The following KIAA1671 variants were observed in gnomAD, a reference collection of about 807,000 sequenced individuals.
KIAA1671 encodes uncharacterized protein KIAA1671.
A neutral mutation model predicts 131.2 loss-of-function variants in KIAA1671; 52 were observed. The ratio of observed to expected loss-of-function variants is 0.40; its 90% confidence interval spans 0.32 to 0.50. KIAA1671 has a LOEUF of 0.50. Ranked by LOEUF, KIAA1671 falls within the 20% of genes least tolerant of loss-of-function variation. KIAA1671 has a pLI of 0.73. For missense variants in KIAA1671, 2,360 were observed against 2,364.2 expected (o/e 1.00, Z 0.04); for synonymous variants, 1,003 against 961.6 (o/e 1.04, Z -0.80).
rs565853665 is a variant in KIAA1671 at position 25,108,357 on chromosome 22, CA to C, written c.4530+58994del. 2.1e-4 allele frequency among the ~76,000 whole-genome samples: 32 copies of C among 152,236 alleles called. No individual in the cohort carries two copies. The South Asian group carries it at 4.8e-3, about 23-fold the overall frequency. ...ATTTCTGGTGTGACTTTTCTGGGGC[CA>C]GCGGGGAGGACTCAGCTCTTTCTCA... On this transcript the variant is annotated intron_variant, in intron 6 of 12. Transcript: ENST00000358431.
In KIAA1671 at chr22:25,171,269, G is replaced by A. The variant is rs188318258; in HGVS notation, c.4649+331G>A. Among the ~76,000 whole-genome samples, 1,327 of 151,984 alleles carry A rather than the reference G, an allele frequency of 8.7e-3. 13 individuals are homozygous for A. Among genetic ancestry groups the A allele is most frequent in the Non-Finnish European group, 0.013 (901 of 67,978 alleles). On this transcript the variant is annotated intron_variant, in intron 7 of 12. Transcript: ENST00000358431. The stretch of plus-strand genomic sequence containing the variant: ...CAAAAAATTAGCTGGGTGTGGCAGC[G>A]TACCCCTGTAATCCCAGCTACTTGG...
intron 6 of KIAA1671, among the ~76,000 whole-genome samples, chr22:25,093,727 ACACACACACACT>A (rs1601304931): frequency 3.3e-5 from 2 of 61,282 alleles, no homozygotes; most frequent in East Asian, 7.1e-4. Flanking sequence ...ACACACACAC[ACACACACACACT>A]CTCTCTCTCT....
intron 4 of KIAA1671, 86 bp downstream of exon 4, chr22:25,032,782 C>A: frequency 1.3e-6 from 1 of 758,866 alleles, no homozygotes; most frequent in Non-Finnish European, 2.1e-6. Context: ...TCTTCTAGGC[C>A]CCAGGAAGAC....
intron 6 of KIAA1671, among the ~76,000 whole-genome samples, chr22:25,089,657 G>T (rs2145876364): frequency 6.6e-6 from 1 of 152,218 alleles, no homozygotes; most frequent in East Asian, 1.9e-4. Context: ...ATAATGATGA[G>T]ATTTTTCTAT....
intron 1 of KIAA1671, among the ~76,000 whole-genome samples, chr22:24,963,808 C>T (rs1025962012): frequency 1.3e-5 from 2 of 151,900 alleles, no homozygotes; most frequent in Non-Finnish European, 2.9e-5. Flanking sequence ...GGCGTGGTGG[C>T]AGGTGCCTGT....
chr22:25,039,855 C>T lies in KIAA1671; in HGVS notation c.2725C>T (p.Gln909Ter). ...ARTHPDAFAV[Q>*]KGPFIVAARE... ...AACACATCCAGATGCATTTGCTGTG[C>T]AGAAAGGGCCCTTCATTGTAGCCGC... The change falls in exon 5 of 13, where the codon CAG (glutamine) becomes TAG (stop). Residue 909 changes from glutamine (Q) to a stop codon, truncating the protein, a stop_gained. Coordinates refer to ENST00000358431, the MANE Select transcript of KIAA1671 (RefSeq NM_001145206.2). LOFTEE classifies it high-confidence loss of function. 6.4e-7 allele frequency: 1 copy of T among 1,550,706 alleles called. No homozygotes were observed. Among genetic ancestry groups the T allele is most frequent in the Non-Finnish European group, 8.7e-7 (1 of 1,146,532 alleles).
intron 9 of KIAA1671, among the ~76,000 whole-genome samples, chr22:25,178,958 C>T (rs1342301385): frequency 6.6e-6 from 1 of 152,238 alleles, no homozygotes; most frequent in Non-Finnish European, 1.5e-5. Context: ...CTGACCTGCA[C>T]GTGCTGACCA....
chr22:24,974,881 G>A (rs561755575), intron 1 of KIAA1671, among the ~76,000 whole-genome samples: 2 of 151,886 alleles, frequency 1.3e-5, no homozygotes, highest in East Asian at 3.9e-4. Context: ...TTTAGTAGAG[G>A]TGGAGTTTCA....
intron 1 of KIAA1671, among the ~76,000 whole-genome samples, chr22:24,977,842 G>A (rs184084680): frequency 3.3e-5 from 5 of 152,296 alleles, no homozygotes; most frequent in Admixed American, 1.3e-4. Flanking sequence ...ATTCGGCACC[G>A]TAGTCCTTAT....
rs886130979 is a variant in KIAA1671 at position 24,957,671 on chromosome 22, CTTTTTTT to C, written c.-208+4916_-208+4922del. ...GAATCTGGGCTAAGCTCTTTTGTTC[CTTTTTTT>C]TTTTTTTTTTTTTTTTGAGACGGAG... On this transcript the variant is annotated intron_variant, in intron 1 of 12. Transcript: ENST00000358431. Among the ~76,000 whole-genome samples, 73 of 100,302 alleles carry C rather than the reference CTTTTTTT, an allele frequency of 7.3e-4. 3 individuals are homozygous for C. The South Asian group carries it at 0.024, about 34-fold the overall frequency. 65.8% of individuals were successfully genotyped at this position (100,302 alleles called of 152,430 possible).
intron 6 of KIAA1671, among the ~76,000 whole-genome samples, chr22:25,146,634 C>G (rs60995662): frequency 9.7e-4 from 147 of 152,286 alleles, no homozygotes; most frequent in African/African-American, 3.4e-3. Context: ...CAGGTGACTT[C>G]CCTTTGAACT....
In KIAA1671 at chr22:25,126,514, A is replaced by G. The variant is rs113891045; in HGVS notation, c.4531-44306A>G. Among the ~76,000 whole-genome samples the G allele has an allele frequency of 1.4e-3, 218 of 152,318 alleles. 1 individual carries two copies. Among genetic ancestry groups the G allele is most frequent in the African/African-American group, 4.7e-3 (194 of 41,562 alleles). ...ACGTGTTGAGTTTCATTATCCATAAATGTTTTTAAATGAGCCCTAGGTGCC... is the reference window on the plus strand; with the variant it reads ...ACGTGTTGAGTTTCATTATCCATAAGTGTTTTTAAATGAGCCCTAGGTGCC... On this transcript the variant is annotated intron_variant, in intron 6 of 12. Transcript: ENST00000358431.
At chr22:25,119,927 A>T (rs1051384158) in intron 6 of KIAA1671, among the ~76,000 whole-genome samples, 1 of 152,120 alleles carries the variant, frequency 6.6e-6, no homozygotes, top group African/African-American at 2.4e-5. Context: ...AGGGAGGGGG[A>T]TTCTGATAGG....
chr22:24,981,513 A>G (rs1923233176), intron 1 of KIAA1671, among the ~76,000 whole-genome samples: 1 of 152,128 alleles, frequency 6.6e-6, no homozygotes, highest in South Asian at 2.1e-4. Context: ...GATGCTCAGG[A>G]GAAACTCCCT....
intron 6 of KIAA1671, among the ~76,000 whole-genome samples, chr22:25,092,225 A>G (rs1228849340): frequency 6.6e-6 from 1 of 152,224 alleles, no homozygotes; most frequent in East Asian, 1.9e-4. Context: ...ACAGGTGATG[A>G]GACTGGGAGG....
chr22:25,190,751 A>C lies in KIAA1671; in HGVS notation c.5392A>C (p.Arg1798=). The change falls in exon 12 of 13, where the codon AGG becomes CGG. Residue 1798 remains arginine, a synonymous_variant. Coordinates refer to ENST00000358431, the MANE Select transcript of KIAA1671 (RefSeq NM_001145206.2). ...QWLKELKSKK[R]QSLYENQV is the part of the protein sequence containing the mutation. The stretch of plus-strand genomic sequence containing the variant: ...GCTAAAGGAATTGAAATCCAAGAAG[A>C]GGCAAAGTCTTTATGAGAACCAAGT... 1 of 1,551,852 alleles carries C rather than the reference A, an allele frequency of 6.4e-7. No individual in the cohort carries two copies. The highest frequency in any genetic ancestry group is 8.7e-7 in the Non-Finnish European group (1 of 1,146,938).
chr22:25,029,867 G>A (rs1385872115), intron 3 of KIAA1671, among the ~76,000 whole-genome samples: 1 of 152,170 alleles, frequency 6.6e-6, no homozygotes, highest in Admixed American at 6.5e-5. Context: ...TGGGGAGGTG[G>A]GAGCTGGATG....
chr22:25,136,133 G>A (rs1165736517), intron 6 of KIAA1671, among the ~76,000 whole-genome samples: 1 of 152,114 alleles, frequency 6.6e-6, no homozygotes, highest in Non-Finnish European at 1.5e-5. Context: ...AACTTCCTTG[G>A]CCCTATTTAG....
At chr22:24,974,878 G>A (rs1215684914) in intron 1 of KIAA1671, among the ~76,000 whole-genome samples, 2 of 151,852 alleles carry the variant, frequency 1.3e-5, no homozygotes, top group African/African-American at 4.8e-5. Context: ...ATTTTTAGTA[G>A]AGGTGGAGTT....
Sources: gnomAD v4.1 joint callset for allele counts (sites outside exome capture counted in the v4.1 genomes callset) on GRCh38, gnomAD v4.1.1 for gene constraint, MANE v1.5 for transcripts, NCBI Gene and HGNC (gene_info 2026-07-23, HGNC 2026-07-21) for gene names.